The following NAV3 variants were observed in gnomAD, a reference collection of about 807,000 sequenced individuals.
NAV3 encodes neuron navigator 3.
Under a neutral mutation model 244.7 loss-of-function variants are expected in NAV3, and 87 were observed. The ratio of observed to expected loss-of-function variants is 0.36; its 90% CI spans 0.30 to 0.42. The LOEUF (loss-of-function observed/expected upper bound fraction) is 0.42, where lower values mean the gene tolerates loss of function less well. Among genes scored for constraint, NAV3 ranks in the 20% least tolerant of loss-of-function variants. The pLI, the probability that NAV3 is intolerant of heterozygous loss-of-function variation, is 1.00. For synonymous variants in NAV3, 1,126 were observed against 1,042.2 expected, an observed-to-expected ratio of 1.08 and a Z score of -1.55; for missense variants, 2,663 against 2,893.3, an observed-to-expected ratio of 0.92 and a Z score of 1.83.
chr12:77,918,160 C>T (rs1287179381), intron 1 of NAV3, among the ~76,000 whole-genome samples: 1 of 152,104 alleles, frequency 6.6e-6, no homozygotes. Flanking sequence ...ATATTACACT[C>T]TTCCCTCTGG....
chr12:78,102,654 G>T (rs1414313369), intron 12 of NAV3, among the ~76,000 whole-genome samples: 1 of 152,234 alleles, frequency 6.6e-6, no homozygotes, highest in Non-Finnish European at 1.5e-5. Flanking sequence ...TGCCCCTGCA[G>T]AAAACTCTTT....
chr12:78,113,814 G>A (rs796366738), intron 12 of NAV3, among the ~76,000 whole-genome samples: 4 of 152,288 alleles, frequency 2.6e-5, no homozygotes, highest in African/African-American at 9.6e-5. Context: ...CTCAGAAAAT[G>A]AGTTTTTCTT....
At chr12:77,597,708 A>G (rs927328596) in intron 2 of NAV3, among the ~76,000 whole-genome samples, 4 of 152,104 alleles carry the variant, frequency 2.6e-5, no homozygotes, top group African/African-American at 7.2e-5. Flanking sequence ...GCTCTCTAGT[A>G]TATGCAAACA....
intron 2 of NAV3, among the ~76,000 whole-genome samples, chr12:77,739,427 G>A (rs920090962): frequency 6.6e-6 from 1 of 152,062 alleles, no homozygotes; most frequent in African/African-American, 2.4e-5. Context: ...GTTTCTTCTT[G>A]AAGAGAATAA....
chr12:77,984,526 C>G (rs1182217854), intron 5 of NAV3, among the ~76,000 whole-genome samples: 1 of 151,260 alleles, frequency 6.6e-6, no homozygotes, highest in East Asian at 1.9e-4. Flanking sequence ...TACCAGACAC[C>G]CTTCTAAGTG....
At chr12:78,045,215 A>G (rs1422565018) in intron 9 of NAV3, among the ~76,000 whole-genome samples, 1 of 152,094 alleles carries the variant, frequency 6.6e-6, no homozygotes, top group African/African-American at 2.4e-5. Context: ...GGTTCTCTTT[A>G]TGTGATGGAT....
chr12:77,949,019 A>G (rs1890627057), intron 3 of NAV3, among the ~76,000 whole-genome samples: 2 of 152,022 alleles, frequency 1.3e-5, no homozygotes, highest in African/African-American at 4.8e-5. Context: ...ATTATATTTA[A>G]ATTATTTTAA....
intron 2 of NAV3, among the ~76,000 whole-genome samples, chr12:77,728,817 C>G (rs1315430521): frequency 3.3e-5 from 5 of 151,554 alleles, no homozygotes. Context: ...AAAGTTATAC[C>G]AAGTGTACCT....
chr12:77,790,420 A>G (rs1871130323), intron 2 of NAV3, among the ~76,000 whole-genome samples: 2 of 152,192 alleles, frequency 1.3e-5, no homozygotes, highest in South Asian at 2.1e-4. Context: ...TGTTCTGGGT[A>G]TAAGGTATCA....
At chr12:77,744,341 G>C (rs557707641) in intron 2 of NAV3, among the ~76,000 whole-genome samples, 22 of 151,944 alleles carry the variant, frequency 1.4e-4, no homozygotes, top group South Asian at 4.1e-4. Context: ...TCAACAAATG[G>C]TTCTCTAACA....
chr12:78,167,879 CT>C (rs890835369), intron 23 of NAV3, among the ~76,000 whole-genome samples: 1 of 151,236 alleles, frequency 6.6e-6, no homozygotes, highest in South Asian at 2.1e-4. Flanking sequence ...TTCTTTCTAT[CT>C]TTTTTTGAGT....
At chr12:77,860,685 G>A (rs1048266331) in intron 1 of NAV3, among the ~76,000 whole-genome samples, 14 of 151,524 alleles carry the variant, frequency 9.2e-5, no homozygotes, top group Non-Finnish European at 2.1e-4. Context: ...ATGTTTTCTG[G>A]GTATAGATGC....
intron 5 of NAV3, among the ~76,000 whole-genome samples, chr12:77,976,766 C>G (rs1252417089): frequency 6.7e-6 from 1 of 149,658 alleles, no homozygotes; most frequent in Non-Finnish European, 1.5e-5. Context: ...GCAACCTTCC[C>G]CTCCCGGGTT....
intron 2 of NAV3, among the ~76,000 whole-genome samples, chr12:77,647,544 T>C (rs1045139057): frequency 1.1e-4 from 16 of 152,082 alleles, no homozygotes; most frequent in African/African-American, 3.1e-4. Flanking sequence ...TGAGATATTA[T>C]GTCTATTTTA....
intron 2 of NAV3, among the ~76,000 whole-genome samples, chr12:77,645,055 G>A (rs1872557436): frequency 1.3e-5 from 2 of 152,046 alleles, no homozygotes; most frequent in Non-Finnish European, 2.9e-5. Context: ...AAAAGGGAAA[G>A]TTTTGTTCAC....
chr12:78,104,060 A>C (rs191169034), intron 12 of NAV3, among the ~76,000 whole-genome samples: 395 of 152,366 alleles, frequency 2.6e-3, no homozygotes, highest in African/African-American at 9.0e-3. Context: ...GTTGAATTAG[A>C]GAGCAGAATA....
At chr12:78,036,769 G>C in intron 9 of NAV3, 1 of 599,332 alleles carries the variant, frequency 1.7e-6, no homozygotes, top group South Asian at 2.0e-5. Flanking sequence ...TTATTGAAGT[G>C]CATGTGATAA....
intron 1 of NAV3, among the ~76,000 whole-genome samples, chr12:77,886,621 T>C (rs1334722001): frequency 2.0e-5 from 3 of 152,172 alleles, no homozygotes; most frequent in African/African-American, 7.2e-5. Context: ...CCCATTTTTT[T>C]CCTGATATTC....
At chr12:78,172,819 A>G (rs1958059968) in intron 24 of NAV3, among the ~76,000 whole-genome samples, 1 of 151,658 alleles carries the variant, frequency 6.6e-6, no homozygotes, top group South Asian at 2.1e-4. Flanking sequence ...ATTGTAGGCC[A>G]TATTTAGAAG....
Sources: allele counts gnomAD v4.1 joint callset (sites outside exome capture counted in the v4.1 genomes callset), GRCh38; gene constraint gnomAD v4.1.1; transcripts MANE v1.5; gene names NCBI Gene and HGNC (gene_info 2026-07-23, HGNC 2026-07-21).